The following UQCC1 variants were observed in gnomAD, a reference collection of about 807,000 sequenced individuals.
The protein encoded by UQCC1 is bFGF-repressed Zic-binding protein.
Under a neutral mutation model 48.0 loss-of-function variants are expected in UQCC1, and 38 were observed. The ratio of observed to expected loss-of-function variants is 0.79; its 90% CI spans 0.61 to 1.04. UQCC1 has a LOEUF of 1.04. Ranked by LOEUF, UQCC1 falls within the 50% of genes least tolerant of loss-of-function variation. The pLI, the probability that UQCC1 is intolerant of heterozygous loss-of-function variation, is 0.00. For missense variants in UQCC1, 368 were observed against 381.8 expected (o/e 0.96, Z 0.30); for synonymous variants, 111 against 129.2 (o/e 0.86, Z 0.95).
intron 5 of UQCC1, among the ~76,000 whole-genome samples, chr20:35,367,099 AAAAAAAAAAAC>A (rs965677234): frequency 6.0e-5 from 9 of 150,590 alleles, no homozygotes; most frequent in Admixed American, 6.0e-4. Flanking sequence ...GTCTAAAAAA[AAAAAAAAAAAC>A]AAACAAAAAA....
intron 2 of UQCC1, chr20:35,384,456 C>T (rs1039261362): frequency 1.8e-5 from 6 of 329,062 alleles, no homozygotes; most frequent in Admixed American, 3.9e-5. Flanking sequence ...GCCTGGGGAA[C>T]ATAGCAAGAC....
chr20:35,320,456 T>C (rs1469920101), intron 7 of UQCC1, among the ~76,000 whole-genome samples: 1 of 152,222 alleles, frequency 6.6e-6, no homozygotes, highest in Non-Finnish European at 1.5e-5. Flanking sequence ...ATTGCCTACC[T>C]GTGTTGGAAT....
chr20:35,383,569 A>T (rs578130868), intron 3 of UQCC1, among the ~76,000 whole-genome samples: 7 of 152,226 alleles, frequency 4.6e-5, no homozygotes, highest in African/African-American at 1.7e-4. Context: ...GCAAGACCTC[A>T]TCTGTTAAAA....
At chr20:35,400,518 C>G (rs1048699104) in intron 1 of UQCC1, among the ~76,000 whole-genome samples, 1 of 145,980 alleles carries the variant, frequency 6.9e-6, no homozygotes, top group Non-Finnish European at 1.5e-5. Context: ...TTTTTTGAGA[C>G]GGAGTCTCGC....
chr20:35,377,248 G>A (rs1054554971), intron 4 of UQCC1, among the ~76,000 whole-genome samples: 1 of 152,060 alleles, frequency 6.6e-6, no homozygotes, highest in African/African-American at 2.4e-5. Context: ...ATTTATCCCA[G>A]GAATGCAAAG....
chr20:35,342,085 T>C (rs533414040), intron 7 of UQCC1, among the ~76,000 whole-genome samples: 1 of 152,238 alleles, frequency 6.6e-6, no homozygotes, highest in African/African-American at 2.4e-5. Flanking sequence ...CTCTGCATCA[T>C]CCCATCAAGC....
chr20:35,354,472 C>G (rs896493093), intron 6 of UQCC1, among the ~76,000 whole-genome samples: 10 of 150,648 alleles, frequency 6.6e-5, no homozygotes, highest in African/African-American at 1.9e-4. Context: ...TCTTGGCTCA[C>G]TGCAAGCTCC....
chr20:35,369,425 A>C (rs754471213), intron 5 of UQCC1, among the ~76,000 whole-genome samples: 9 of 152,190 alleles, frequency 5.9e-5, no homozygotes, highest in Non-Finnish European at 1.2e-4. Context: ...CCATGATCAC[A>C]CTCTTGCTCC....
intron 6 of UQCC1, among the ~76,000 whole-genome samples, chr20:35,348,180 T>C (rs1306467046): frequency 6.6e-6 from 1 of 152,212 alleles, no homozygotes. Flanking sequence ...CACCTATGGT[T>C]AGGGCCAAGT....
At chr20:35,305,430 C>A (rs1210918055) in intron 9 of UQCC1, among the ~76,000 whole-genome samples, 1 of 152,228 alleles carries the variant, frequency 6.6e-6, no homozygotes, top group Non-Finnish European at 1.5e-5. Flanking sequence ...GGGCTTCTGG[C>A]ACAAGCCCAC....
chr20:35,400,375 T>C (rs1272022624), intron 1 of UQCC1, among the ~76,000 whole-genome samples: 1 of 152,106 alleles, frequency 6.6e-6, no homozygotes, highest in Admixed American at 6.6e-5. Flanking sequence ...AAGACATTCA[T>C]AGCCACTCCC....
At chr20:35,402,201 G>T (rs1049602464) in intron 1 of UQCC1, among the ~76,000 whole-genome samples, 2 of 152,088 alleles carry the variant, frequency 1.3e-5, no homozygotes, top group Non-Finnish European at 2.9e-5. Context: ...CCAACACTTT[G>T]TGAGGCTGAG....
chr20:35,354,169 C>T (rs966361753), intron 6 of UQCC1, among the ~76,000 whole-genome samples: 1 of 152,108 alleles, frequency 6.6e-6, no homozygotes, highest in African/African-American at 2.4e-5. Flanking sequence ...CCTAATGATG[C>T]ATTTCTCAGG....
At chr20:35,408,761 G>A (rs1262015421) in intron 1 of UQCC1, among the ~76,000 whole-genome samples, 2 of 151,824 alleles carry the variant, frequency 1.3e-5, no homozygotes, top group Admixed American at 6.6e-5. Flanking sequence ...AGGCTGAAGT[G>A]GGAGGATCAC....
chr20:35,387,286 AAAAAAT>A, intron 2 of UQCC1, among the ~76,000 whole-genome samples: 1 of 152,088 alleles, frequency 6.6e-6, no homozygotes, highest in South Asian at 2.1e-4. Context: ...GCTCTGTCTC[AAAAAAT>A]AAAAATAAAA....
intron 6 of UQCC1, among the ~76,000 whole-genome samples, chr20:35,359,394 A>C (rs2061581126): frequency 1.3e-5 from 2 of 152,212 alleles, no homozygotes; most frequent in Non-Finnish European, 2.9e-5. Context: ...CTGCTAAATA[A>C]GACAAATCGG....
At chr20:35,400,971 T>C (rs979286097) in intron 1 of UQCC1, among the ~76,000 whole-genome samples, 1 of 152,242 alleles carries the variant, frequency 6.6e-6, no homozygotes, top group African/African-American at 2.4e-5. Context: ...AGATACATAG[T>C]ATTTTCCTTG....
intron 6 of UQCC1, among the ~76,000 whole-genome samples, chr20:35,357,177 G>C (rs2061555137): frequency 6.6e-6 from 1 of 152,130 alleles, no homozygotes; most frequent in East Asian, 1.9e-4. Context: ...CTGAGCTCCG[G>C]AGTTCGAGAC....
chr20:35,315,217 T>C (rs2061043686), intron 7 of UQCC1: 2 of 155,992 alleles, frequency 1.3e-5, no homozygotes, highest in Admixed American at 1.2e-4. Context: ...GGAGGTAACA[T>C]TTAAGTGAAA....
Sources: allele counts gnomAD v4.1 joint callset (sites outside exome capture counted in the v4.1 genomes callset), GRCh38; gene constraint gnomAD v4.1.1; transcripts MANE v1.5; gene names NCBI Gene and HGNC (gene_info 2026-07-23, HGNC 2026-07-21).